Variants in IL1RAPL2 observed in about 807,000 individuals in gnomAD.
IL1RAPL2 encodes X-linked interleukin-1 receptor accessory protein-like 2.
Under a neutral mutation model 44.1 loss-of-function variants are expected in IL1RAPL2, and 3 were observed. That is an observed-to-expected ratio of 0.07 (90% CI 0.03 to 0.18). The LOEUF (loss-of-function observed/expected upper bound fraction) is 0.18. Among genes scored for constraint, IL1RAPL2 ranks in the 10% least tolerant of loss-of-function variants. IL1RAPL2 has a pLI of 1.00. For missense variants in IL1RAPL2, 391 were observed against 496.4 expected (o/e 0.79, Z 2.02); for synonymous variants, 181 against 178.8 (o/e 1.01, Z -0.10).
chrX:105,233,099 G>T (rs1324310721), intron 3 of IL1RAPL2, among the ~76,000 whole-genome samples: 1 of 111,581 alleles, frequency 9.0e-6, no homozygotes. Context: ...CTGGCTAACA[G>T]GGTGAAACCC....
chrX:104,876,448 G>A (rs768379110), intron 2 of IL1RAPL2, among the ~76,000 whole-genome samples: 6 of 111,105 alleles, frequency 5.4e-5, no homozygotes, highest in African/African-American at 1.6e-4. Flanking sequence ...TTATTTTTTC[G>A]TCTTTTCCCA....
intron 2 of IL1RAPL2, among the ~76,000 whole-genome samples, chrX:104,910,198 C>T (rs1216354006): frequency 3.6e-5 from 4 of 112,281 alleles, no homozygotes. Flanking sequence ...GGCAATGCCT[C>T]GCCATGCTTC....
chrX:105,223,218 T>C (rs1308993003), intron 3 of IL1RAPL2, among the ~76,000 whole-genome samples: 1 of 109,998 alleles, frequency 9.1e-6, no homozygotes, highest in East Asian at 2.9e-4. Context: ...GATATATGAG[T>C]CTAGAACTTA....
intron 4 of IL1RAPL2, among the ~76,000 whole-genome samples, chrX:105,236,791 C>G (rs2034123640): frequency 9.0e-6 from 1 of 111,674 alleles, no homozygotes; most frequent in Admixed American, 9.5e-5. Flanking sequence ...TTTGGATAGT[C>G]TGCCTTGCCT....
rs1466462538 is a variant in IL1RAPL2 at position 105,204,821 on chromosome X, A to T, written c.356+9073A>T. On this transcript the variant is annotated intron_variant, in intron 3 of 10. Coordinates refer to ENST00000372582, the MANE Select transcript of IL1RAPL2 (RefSeq NM_017416.2). ...GGGACTCACAGTTTGCAAACTCTGA[A>T]CTATTGGTTCTGACTCCAACATTAG... Among the ~76,000 whole-genome samples the T allele has an allele frequency of 2.7e-5, 3 of 111,738 alleles. 1 individual carries two copies. The highest frequency in any genetic ancestry group is 9.8e-5 in the African/African-American group (3 of 30,705).
intron 2 of IL1RAPL2, among the ~76,000 whole-genome samples, chrX:105,173,529 C>A (rs1164624981): frequency 2.7e-5 from 3 of 111,231 alleles, no homozygotes; most frequent in Non-Finnish European, 3.8e-5. Context: ...GGTTGTGTTA[C>A]TGTCAAAGTT....
intron 2 of IL1RAPL2, among the ~76,000 whole-genome samples, chrX:105,193,439 C>G (rs2033649138): frequency 9.0e-6 from 1 of 111,449 alleles, no homozygotes; most frequent in Admixed American, 9.6e-5. Context: ...TATATCATTA[C>G]CTCTCAGTTG....
At chrX:104,810,396 C>G in intron 2 of IL1RAPL2, among the ~76,000 whole-genome samples, 1 of 110,179 alleles carries the variant, frequency 9.1e-6, no homozygotes, top group Non-Finnish European at 1.9e-5. Context: ...CACATGTACC[C>G]TAAAACTTAA....
chrX:104,737,969 G>A (rs1209224408), intron 2 of IL1RAPL2, among the ~76,000 whole-genome samples: 1 of 111,942 alleles, frequency 8.9e-6, no homozygotes, highest in East Asian at 2.8e-4. Flanking sequence ...GGTAATTCCC[G>A]TGGACTAGTT....
chrX:105,325,563 A>C (rs2034931171), intron 5 of IL1RAPL2, among the ~76,000 whole-genome samples: 1 of 99,414 alleles, frequency 1.0e-5, no homozygotes, highest in Non-Finnish European at 2.0e-5. Flanking sequence ...ATATATATAT[A>C]TATATATATA....
chrX:105,767,749 T>TA lies in IL1RAPL2; in HGVS notation c.*94dup, dbSNP rs1424001204. The TA allele has an allele frequency of 1.2e-5, 8 of 684,452 alleles. No individual in the cohort carries two copies. The Admixed American group carries it at 2.3e-4, about 19-fold the overall frequency. The allele number at this position is 684,452 out of a possible 1,213,427, so 56.4% of individuals were successfully genotyped here. A position where few individuals can be genotyped will look rare whatever the true frequency, so the allele number is the denominator to read the frequency against. ...TAAAGTACACCTAATAACGTTGTGT[T>TA]AAAAAAGTGTTTGAAGAAAAAGGTA... On this transcript the variant is annotated 3_prime_UTR_variant, in exon 11 of 11. Coordinates refer to ENST00000372582, the MANE Select transcript of IL1RAPL2 (RefSeq NM_017416.2).
intron 2 of IL1RAPL2, among the ~76,000 whole-genome samples, chrX:105,077,974 A>G (rs2032336515): frequency 9.0e-6 from 1 of 111,106 alleles, no homozygotes; most frequent in Admixed American, 9.6e-5. Context: ...CTTCTTTGCC[A>G]TTGATTTGAA....
intron 6 of IL1RAPL2, among the ~76,000 whole-genome samples, chrX:105,659,009 CCCAGCTATGTGG>C (rs2037697947): frequency 9.2e-6 from 1 of 108,908 alleles, no homozygotes; most frequent in Non-Finnish European, 1.9e-5. Flanking sequence ...TGCCTATAGT[CCCAGCTATGTGG>C]GCGGCTGAGG....
intron 6 of IL1RAPL2, among the ~76,000 whole-genome samples, chrX:105,491,299 C>T (rs1489903076): frequency 9.0e-6 from 1 of 110,665 alleles, no homozygotes; most frequent in Non-Finnish European, 1.9e-5. Flanking sequence ...GAGTTCATGT[C>T]CTTTGTAGGG....
intron 2 of IL1RAPL2, among the ~76,000 whole-genome samples, chrX:104,832,142 GA>G (rs1921627324): frequency 9.0e-6 from 1 of 111,723 alleles, no homozygotes; most frequent in Admixed American, 9.6e-5. Flanking sequence ...TACTGCTTTA[GA>G]AATGTTTTTG....
At chrX:104,679,319 C>T (rs1213174012) in intron 2 of IL1RAPL2, among the ~76,000 whole-genome samples, 3 of 111,316 alleles carry the variant, frequency 2.7e-5, no homozygotes, top group Non-Finnish European at 5.7e-5. Flanking sequence ...ATAAAAACAC[C>T]CTTAGGGGCC....
chrX:105,387,237 C>CTT (rs577370014), intron 5 of IL1RAPL2, among the ~76,000 whole-genome samples: 1 of 90,838 alleles, frequency 1.1e-5, no homozygotes, highest in Non-Finnish European at 2.2e-5. Context: ...TGTGCATTTT[C>CTT]TTTTTTTTTT....
intron 3 of IL1RAPL2, among the ~76,000 whole-genome samples, chrX:105,196,343 G>A (rs1170074356): frequency 9.0e-6 from 1 of 111,348 alleles, no homozygotes; most frequent in East Asian, 2.8e-4. Flanking sequence ...CTCCACCCCT[G>A]CCGCATGGTC....
Position 104,711,684 on chromosome X carries a change from T to C in IL1RAPL2, c.82+52689T>C, listed in dbSNP as rs749988022. On this transcript the variant is annotated intron_variant, in intron 2 of 10. Transcript: ENST00000372582. Reference sequence around the variant, plus strand: ...GAACTGAGGGCAATGACCTGGCTCATTGGAAAAAAAAAAGATTTTTTGGTA... The same window carrying C: ...GAACTGAGGGCAATGACCTGGCTCACTGGAAAAAAAAAAGATTTTTTGGTA... 3.9e-5 allele frequency among the ~76,000 whole-genome samples: 3 copies of C among 77,539 alleles called. No individual in the cohort carries two copies. The East Asian group carries it at 1.4e-3, about 35-fold the overall frequency. The allele number at this position is 77,539 out of a possible 115,157, so 67.3% of individuals were successfully genotyped here.
Sources: gnomAD v4.1 joint callset for allele counts (sites outside exome capture counted in the v4.1 genomes callset) on GRCh38, gnomAD v4.1.1 for gene constraint, MANE v1.5 for transcripts, NCBI Gene and HGNC (gene_info 2026-07-23, HGNC 2026-07-21) for gene names.